The following PALB2 variants were observed in gnomAD, a reference collection of about 807,000 sequenced individuals.
PALB2 encodes mutant partner and localizer of BRCA2.
Under a neutral mutation model 107.4 loss-of-function variants are expected in PALB2, and 82 were observed. The observed-to-expected ratio is 0.76, with a 90% CI of 0.64 to 0.92. The LOEUF (loss-of-function observed/expected upper bound fraction) is 0.92. Among genes scored for constraint, PALB2 ranks in the 40% least tolerant of loss-of-function variants. The pLI, the probability that PALB2 is intolerant of heterozygous loss-of-function variation, is 0.00. For missense variants in PALB2, 1,374 were observed against 1,379.9 expected (o/e 1.00, Z 0.07); for synonymous variants, 489 against 496.8 (o/e 0.98, Z 0.21).
At chr16:23,603,920 T>C (rs1966413699) in intron 12 of PALB2, among the ~76,000 whole-genome samples, 1 of 152,156 alleles carries the variant, frequency 6.6e-6, no homozygotes, top group African/African-American at 2.4e-5. Context: ...CACAGTGGCC[T>C]TCCTTCCACT....
intron 11 of PALB2, among the ~76,000 whole-genome samples, chr16:23,608,613 G>C (rs1597067597): frequency 6.6e-6 from 1 of 151,948 alleles, no homozygotes; most frequent in Non-Finnish European, 1.5e-5. Context: ...GTACATGGTG[G>C]CTGGTTTCTC....
rs2142445321 is a variant in PALB2, at chr16:23,636,192, T to C, written c.354A>G (p.Ile118Met). 4 of 1,613,338 alleles carry C rather than the reference T, an allele frequency of 2.5e-6. No individual in the cohort carries two copies. Among genetic ancestry groups the C allele is most frequent in the East Asian group, 2.2e-5 (1 of 44,872 alleles). Residue 118 changes from isoleucine to methionine, a missense_variant, in exon 4 of 13, where the codon ATA becomes ATG. Coordinates refer to ENST00000261584, the MANE Select transcript of PALB2 (RefSeq NM_024675.4). Reference protein sequence around the residue: ...NPGDGPGGLPIQRTDDTQEHF... With the variant: ...NPGDGPGGLPMQRTDDTQEHF... ...GTTCTTGGGTGTCATCTGTTCTTTGTATAGGTAATCCTCCTGGGCCATCTC... is the reference window on the plus strand; with the variant it reads ...GTTCTTGGGTGTCATCTGTTCTTTGCATAGGTAATCCTCCTGGGCCATCTC...
rs1567222712 is a variant in PALB2, at chr16:23,636,002, T to C, written c.544A>G (p.Ile182Val). 3 of 1,614,176 alleles carry C rather than the reference T, an allele frequency of 1.9e-6. No individual in the cohort carries two copies. Among genetic ancestry groups the C allele is most frequent in the Non-Finnish European group, 2.5e-6 (3 of 1,180,042 alleles). Reference protein sequence around the residue: ...SGKRLKEQEEISSKNPARSPV... With the variant: ...SGKRLKEQEEVSSKNPARSPV... ...GATCTAGCAGGATTTTTGCTACTGA[T>C]TTCTTCCTGTTCCTTTAGTCTTTTC... The change falls in exon 4 of 13, where the codon ATC becomes GTC. Residue 182 changes from isoleucine to valine, a missense_variant. Transcript: ENST00000261584.
At chr16:23,617,029 G>C (rs1045352498) in intron 10 of PALB2, among the ~76,000 whole-genome samples, 2 of 152,022 alleles carry the variant, frequency 1.3e-5, no homozygotes, top group African/African-American at 4.8e-5. Context: ...AGCCAGGATG[G>C]ACTCCATCTC....
chr16:23,627,781 G>A (rs566154191), intron 6 of PALB2, among the ~76,000 whole-genome samples: 7 of 152,226 alleles, frequency 4.6e-5, no homozygotes, highest in African/African-American at 1.7e-4. Flanking sequence ...CAACTCTCGA[G>A]TCTAATGTAG....
At chr16:23,611,455 T>C (rs1597070743) in intron 11 of PALB2, among the ~76,000 whole-genome samples, 1 of 147,176 alleles carries the variant, frequency 6.8e-6, no homozygotes. Context: ...CTAGTTATTA[T>C]TATTATTATT....
intron 10 of PALB2, among the ~76,000 whole-genome samples, chr16:23,614,655 T>TTC (rs1374981065): frequency 1.4e-5 from 2 of 143,938 alleles, no homozygotes; most frequent in African/African-American, 5.1e-5. Context: ...CTTTTTTTTT[T>TTC]TTTTTTTTTT....
At chr16:23,613,345 TAA>T in intron 11 of PALB2, among the ~76,000 whole-genome samples, 1 of 152,100 alleles carries the variant, frequency 6.6e-6, no homozygotes, top group Non-Finnish European at 1.5e-5. Flanking sequence ...GACTGAAGCC[TAA>T]GAGTAAAGCA....
intron 12 of PALB2, among the ~76,000 whole-genome samples, chr16:23,606,366 C>T (rs1327373453): frequency 2.0e-5 from 3 of 152,060 alleles, no homozygotes; most frequent in Non-Finnish European, 4.4e-5. Context: ...GATCGTGCCA[C>T]TGCACTCCAG....
intron 4 of PALB2, among the ~76,000 whole-genome samples, chr16:23,634,029 C>T (rs1597094396): frequency 6.6e-6 from 1 of 152,126 alleles, no homozygotes. Flanking sequence ...CTCTAGTACA[C>T]ATTCCATTTT....
intron 12 of PALB2, among the ~76,000 whole-genome samples, chr16:23,604,815 G>A (rs768453661): frequency 1.4e-5 from 2 of 146,482 alleles, no homozygotes; most frequent in African/African-American, 2.5e-5. Flanking sequence ...GGCTCACGCC[G>A]GTAATCCCAG....
At chr16:23,604,594 C>T (rs553805268) in intron 12 of PALB2, among the ~76,000 whole-genome samples, 8 of 151,996 alleles carry the variant, frequency 5.3e-5, no homozygotes, top group South Asian at 2.1e-4. Flanking sequence ...TGGAGAAACC[C>T]GGTCTCTACT....
rs1597099026 is a variant in PALB2, at chr16:23,636,031, G to C, written c.515C>G (p.Ser172Cys). 1 of 1,614,072 alleles carries C rather than the reference G, an allele frequency of 6.2e-7. No homozygotes were observed. Among genetic ancestry groups the C allele is most frequent in the South Asian group, 1.1e-5 (1 of 91,082 alleles). Reference protein sequence around the residue: ...CVFGTDSLRLSGKRLKEQEEI... With the variant: ...CVFGTDSLRLCGKRLKEQEEI... ...TTCCTGTTCCTTTAGTCTTTTCCCA[G>C]ACAATCTGAGTGAATCAGTGCCAAA... Residue 172 changes from serine (S) to cysteine (C), a missense_variant, in exon 4 of 13, where the codon TCT (serine) becomes TGT (cysteine). Coordinates refer to ENST00000261584, the MANE Select transcript of PALB2 (RefSeq NM_024675.4).
At chr16:23,609,487 C>T (rs1224701300) in intron 11 of PALB2, among the ~76,000 whole-genome samples, 1 of 152,134 alleles carries the variant, frequency 6.6e-6, no homozygotes, top group African/African-American at 2.4e-5. Context: ...AAGAGGCTGA[C>T]AAACTATGGC....
intron 1 of PALB2, 196 bp from the exon 2 acceptor site, chr16:23,638,325 A>T: frequency 3.2e-6 from 2 of 631,542 alleles, no homozygotes; most frequent in Non-Finnish European, 5.7e-6. Flanking sequence ...TATCATCTGG[A>T]ACATGTCCTT....
At chr16:23,638,259 G>C in intron 1 of PALB2, 130 bp from the exon 2 acceptor site, 1 of 774,890 alleles carries the variant, frequency 1.3e-6, no homozygotes. Flanking sequence ...ATCTACTTTT[G>C]GTTCTCAAAA....
rs515726122 is a variant in PALB2 at position 23,636,043 on chromosome 16, G to C, written c.503C>G (p.Ser168Ter). The change falls in exon 4 of 13, where the codon TCA (serine) becomes TGA (stop). Residue 168 changes from serine (S) to a stop codon, truncating the protein, a stop_gained. Transcript: ENST00000261584. LOFTEE classifies it high-confidence loss of function. Reference sequence around the variant, plus strand: ...TAGTCTTTTCCCAGACAATCTGAGTGAATCAGTGCCAAAGACACAGTCTCT... The same window carrying C: ...TAGTCTTTTCCCAGACAATCTGAGTCAATCAGTGCCAAAGACACAGTCTCT... ...QERDCVFGTDSLRLSGKRLKE... is the reference protein window; with the variant it reads ...QERDCVFGTD 1.2e-6 allele frequency: 2 copies of C among 1,614,060 alleles called. No individual in the cohort carries two copies. Among genetic ancestry groups the C allele is most frequent in the Non-Finnish European group, 1.7e-6 (2 of 1,180,010 alleles).
chr16:23,638,244 TAAC>T (rs1274736153), intron 1 of PALB2, 115 bp from the exon 2 acceptor site: 1 of 812,952 alleles, frequency 1.2e-6, no homozygotes, highest in East Asian at 2.4e-5. Context: ...CACTGGTCCA[TAAC>T]AATCTACTTT....
At chr16:23,625,782 A>G (rs976358473) in intron 7 of PALB2, among the ~76,000 whole-genome samples, 38 of 152,106 alleles carry the variant, frequency 2.5e-4, no homozygotes, top group Admixed American at 2.0e-3. Context: ...TGGGTGACAG[A>G]GCAGGACTCC....
Sources: gnomAD v4.1 joint callset for allele counts (sites outside exome capture counted in the v4.1 genomes callset) on GRCh38, gnomAD v4.1.1 for gene constraint, MANE v1.5 for transcripts, NCBI Gene and HGNC (gene_info 2026-07-23, HGNC 2026-07-21) for gene names.